Variants in AGBL3 observed in about 807,000 individuals in gnomAD.
AGBL3 encodes the protein cytosolic carboxypeptidase 3.
AGBL3 carries 68 observed loss-of-function variants against 94.5 expected under a neutral mutation model. The ratio of observed to expected loss-of-function variants is 0.72; its 90% CI spans 0.59 to 0.88. The LOEUF is 0.88. AGBL3 is among the 40% of genes least tolerant of loss of function. AGBL3 has a pLI of 0.00. For missense variants in AGBL3, 934 were observed against 1,103.8 expected (o/e 0.85, Z 2.18); for synonymous variants, 354 against 370.7 (o/e 0.95, Z 0.52).
At position 135,034,616 on chromosome 7, in the gene AGBL3, T is replaced by C; in HGVS notation, c.1025T>C (p.Ile342Thr). The C allele has an allele frequency of 6.4e-7, 1 of 1,551,690 alleles. No individual in the cohort carries two copies. The highest frequency in any genetic ancestry group is 8.7e-7 in the Non-Finnish European group (1 of 1,146,976). Residue 342 changes from isoleucine (I) to threonine (T), a missense_variant, in exon 7 of 17, where the codon ATC (isoleucine) becomes ACC (threonine). Ile to Thr is a moderately conservative substitution (Grantham distance 89, BLOSUM62 -1). Around this residue, in one of 3 missense-constraint regions of AGBL3, gnomAD observed 488 missense variants for 563.6 expected, o/e 0.87. Transcript: ENST00000436302. ...LARNMVYILT[I>T]TTPLKNSDSR... ...AGGAACATGGTGTATATTTTAACAATCACTACCCCCTTGAAGAACTCTGAC... is the reference window on the plus strand; with the variant it reads ...AGGAACATGGTGTATATTTTAACAACCACTACCCCCTTGAAGAACTCTGAC...
intron 4 of AGBL3, among the ~76,000 whole-genome samples, chr7:134,999,939 C>CGAAA (rs1262910856): frequency 6.6e-6 from 1 of 152,224 alleles, no homozygotes; most frequent in East Asian, 1.9e-4. Context: ...TAGTAGCTCT[C>CGAAA]TTTCAATAGA....
At chr7:135,102,488 A>G (rs1446527573) in intron 15 of AGBL3, among the ~76,000 whole-genome samples, 1 of 152,218 alleles carries the variant, frequency 6.6e-6, no homozygotes, top group Non-Finnish European at 1.5e-5. Flanking sequence ...GAAACAATGC[A>G]TCTCAAAATA....
chr7:135,000,257 C>T (rs1196769325), intron 4 of AGBL3, among the ~76,000 whole-genome samples: 1 of 152,126 alleles, frequency 6.6e-6, no homozygotes, highest in Non-Finnish European at 1.5e-5. Context: ...CACGGGATGC[C>T]CAGATAGCTG....
chr7:135,063,980 C>A (rs891107429), intron 12 of AGBL3, among the ~76,000 whole-genome samples: 1 of 152,182 alleles, frequency 6.6e-6, no homozygotes, highest in African/African-American at 2.4e-5. Context: ...TCTTTCTTCA[C>A]CTAGACCAGC....
chr7:135,049,347 G>T (rs1305672426), intron 11 of AGBL3, among the ~76,000 whole-genome samples: 1 of 151,826 alleles, frequency 6.6e-6, no homozygotes, highest in African/African-American at 2.4e-5. Context: ...GAGAATTTTT[G>T]TATCTATGTT....
chr7:135,099,882 C>CTTTTTTTTTTTTTTTT (rs34324217), intron 15 of AGBL3: 2 of 62,700 alleles, frequency 3.2e-5, no homozygotes, highest in African/African-American at 6.4e-5. Context: ...CTGAGTTTCT[C>CTTTTTTTTTTTTTTTT]TTTTTTTTTT....
intron 15 of AGBL3, among the ~76,000 whole-genome samples, chr7:135,103,307 GA>G (rs571878663): frequency 5.2e-4 from 79 of 152,170 alleles, no homozygotes; most frequent in Non-Finnish European, 8.7e-4. Flanking sequence ...ATAGGTTTAA[GA>G]GGGAGTTCCT....
At chr7:135,120,837 A>C (rs1827034330) in intron 16 of AGBL3, among the ~76,000 whole-genome samples, 1 of 152,196 alleles carries the variant, frequency 6.6e-6, no homozygotes, top group Admixed American at 6.5e-5. Context: ...GAAAATTATC[A>C]AAGAGGGGCA....
At chr7:135,021,085 T>C (rs533852052) in intron 5 of AGBL3, among the ~76,000 whole-genome samples, 2 of 151,858 alleles carry the variant, frequency 1.3e-5, no homozygotes, top group South Asian at 2.1e-4. Flanking sequence ...CTATGACCTA[T>C]TGAATTGCCC....
At chr7:135,072,478 G>A (rs971050393) in intron 12 of AGBL3, among the ~76,000 whole-genome samples, 20 of 152,160 alleles carry the variant, frequency 1.3e-4, no homozygotes, top group Non-Finnish European at 1.8e-4. Context: ...TGTTTATTGC[G>A]GCACTATTCA....
intron 16 of AGBL3, among the ~76,000 whole-genome samples, chr7:135,128,133 A>G (rs1828152635): frequency 6.6e-6 from 1 of 151,822 alleles, no homozygotes; most frequent in Non-Finnish European, 1.5e-5. Flanking sequence ...CTCTACTAAA[A>G]ATACAAAAAT....
chr7:134,992,840 A>G (rs1810468314), intron 3 of AGBL3, among the ~76,000 whole-genome samples: 1 of 152,228 alleles, frequency 6.6e-6, no homozygotes, highest in Non-Finnish European at 1.5e-5. Flanking sequence ...TGAAAGAGCA[A>G]GAGGAGTCAG....
At chr7:135,027,194 C>T (rs901697658) in intron 5 of AGBL3, among the ~76,000 whole-genome samples, 3 of 151,244 alleles carry the variant, frequency 2.0e-5, no homozygotes, top group Admixed American at 6.6e-5. Context: ...GACTAGGGTG[C>T]GCACCACCAT....
At position 135,115,264 on chromosome 7, in the gene AGBL3, A is replaced by G. The variant is rs112352940; in HGVS notation, c.2111-116A>G. On this transcript the variant is annotated intron_variant, in intron 15 of 16. Coordinates refer to ENST00000436302, the MANE Select transcript of AGBL3 (RefSeq NM_178563.4). ...ATTTTCTGCCCACTGTCATTAAAGT[A>G]CAAGCTTCAGATGGGCAAGGAATTT... 4.8e-4 allele frequency: 298 copies of G among 625,088 alleles called. 4 individuals carry two copies. In the African/African-American group the frequency reaches 4.9e-3, roughly 10 times the overall value. 38.7% of individuals were successfully genotyped at this position (625,088 alleles called of 1,614,324 possible).
At chr7:135,071,828 A>T (rs557262167) in intron 12 of AGBL3, among the ~76,000 whole-genome samples, 164 of 152,300 alleles carry the variant, frequency 1.1e-3, no homozygotes, top group Middle Eastern at 3.4e-3. Flanking sequence ...AACCTAGGCA[A>T]TACCATTCAG....
chr7:134,997,170 T>C (rs1284564383), intron 4 of AGBL3, among the ~76,000 whole-genome samples: 1 of 152,174 alleles, frequency 6.6e-6, no homozygotes, highest in Non-Finnish European at 1.5e-5. Context: ...CCTAGATCCC[T>C]TGCATGCACA....
chr7:135,053,073 T>C (rs547979878), intron 11 of AGBL3, among the ~76,000 whole-genome samples: 5 of 152,208 alleles, frequency 3.3e-5, no homozygotes, highest in Non-Finnish European at 7.4e-5. Flanking sequence ...TAATAACCAC[T>C]TTTTCCAGAG....
rs903593444 is a variant in AGBL3, at chr7:135,135,380, T to C, written c.*119T>C. 1.2e-6 allele frequency: 1 copy of C among 844,544 alleles called. No individual in the cohort carries two copies. The highest frequency in any genetic ancestry group is 2.9e-5 in the East Asian group (1 of 34,222). 52.3% of individuals were successfully genotyped at this position (844,544 alleles called of 1,614,324 possible). A position where few individuals can be genotyped will look rare whatever the true frequency, so the allele number is the denominator to read the frequency against. On this transcript the variant is annotated 3_prime_UTR_variant, in exon 17 of 17. Transcript: ENST00000436302. ...CCCTATCTCTCCCCTTACACATGCA[T>C]ATGCATAAACTAAAAATTTTAGATA...
chr7:135,102,497 T>C (rs1243320194), intron 15 of AGBL3, among the ~76,000 whole-genome samples: 1 of 152,180 alleles, frequency 6.6e-6, no homozygotes, highest in Non-Finnish European at 1.5e-5. Flanking sequence ...CATCTCAAAA[T>C]ATGCACCACA....
Sources: gnomAD v4.1 joint callset for allele counts (sites outside exome capture counted in the v4.1 genomes callset) on GRCh38, gnomAD v4.1.1 for gene constraint, gnomAD v4.1.1 regional missense constraint, MANE v1.5 for transcripts, NCBI Gene and HGNC (gene_info 2026-07-23, HGNC 2026-07-21) for gene names.